The following PLCB1 variants were observed in gnomAD, a reference collection of about 807,000 sequenced individuals.
PLCB1 encodes the protein 1-phosphatidylinositol 4,5-bisphosphate phosphodiesterase beta-1.
Under a neutral mutation model 161.8 loss-of-function variants are expected in PLCB1, and 46 were observed. The observed-to-expected ratio is 0.28, with a 90% CI of 0.22 to 0.36. The LOEUF (loss-of-function observed/expected upper bound fraction) is 0.36. Ranked by LOEUF, PLCB1 falls within the 10% of genes least tolerant of loss-of-function variation. PLCB1 has a pLI of 1.00. For missense variants in PLCB1, 1,016 were observed against 1,472.5 expected, an observed-to-expected ratio of 0.69 and a Z score of 5.07; for synonymous variants, 517 against 503.7, an observed-to-expected ratio of 1.03 and a Z score of -0.35.
intron 3 of PLCB1, among the ~76,000 whole-genome samples, chr20:8,477,947 C>G (rs969925671): frequency 4.6e-5 from 7 of 152,186 alleles, no homozygotes; most frequent in Admixed American, 1.3e-4. Context: ...ATCTATCTCT[C>G]CTCTTTGTCA....
At chr20:8,727,513 G>A in intron 17 of PLCB1, 120 bp downstream of exon 17, 3 of 602,540 alleles carry the variant, frequency 5.0e-6, no homozygotes, top group Admixed American at 3.1e-5. Flanking sequence ...ATAGCCTGGG[G>A]CGGATAAATA....
At chr20:8,779,029 G>A (rs1983076438) in intron 27 of PLCB1, among the ~76,000 whole-genome samples, 1 of 152,154 alleles carries the variant, frequency 6.6e-6, no homozygotes, top group South Asian at 2.1e-4. Context: ...AAACCGAAGT[G>A]TAATTAAAAA....
chr20:8,629,972 TTC>T (rs1988520613), intron 4 of PLCB1, among the ~76,000 whole-genome samples: 1 of 20,470 alleles, frequency 4.9e-5, no homozygotes, highest in Admixed American at 5.7e-4. Flanking sequence ...TCTTCTTTCT[TTC>T]TTTCTTTCTT....
At chr20:8,500,683 CCAAACT>C (rs1983368619) in intron 3 of PLCB1, among the ~76,000 whole-genome samples, 1 of 152,234 alleles carries the variant, frequency 6.6e-6, no homozygotes, top group Admixed American at 6.5e-5. Flanking sequence ...GTAAGATTTA[CCAAACT>C]CTTTCTTCTT....
At chr20:8,529,563 G>A (rs538435518) in intron 3 of PLCB1, among the ~76,000 whole-genome samples, 2 of 151,950 alleles carry the variant, frequency 1.3e-5, no homozygotes, top group African/African-American at 4.8e-5. Flanking sequence ...CTCTTAAAAG[G>A]GTTTGAAGGA....
chr20:8,415,034 C>T (rs751595003), intron 3 of PLCB1, among the ~76,000 whole-genome samples: 1 of 152,192 alleles, frequency 6.6e-6, no homozygotes, highest in Non-Finnish European at 1.5e-5. Context: ...TTCAGAAACA[C>T]TGAGAATTCT....
rs530567846 is a variant in PLCB1, at chr20:8,790,210, C to T, written c.3372C>T (p.Leu1124=). 13 of 1,611,698 alleles carry T rather than the reference C, an allele frequency of 8.1e-6. No individual in the cohort carries two copies. The highest frequency in any genetic ancestry group is 1.6e-4 in the Middle Eastern group (1 of 6,080). Reference sequence around the variant, plus strand: ...CGCAAAGTAAACGGCAAGAAAAACTCGTAGAGAAACACAAGGAAATACGTC... The same window carrying T: ...CGCAAAGTAAACGGCAAGAAAAACTTGTAGAGAAACACAAGGAAATACGTC... ...EEAQSKRQEK[L]VEKHKEIRQQ... is the part of the protein sequence containing the mutation. Residue 1124 remains leucine, a synonymous_variant, in exon 31 of 32, where the codon CTC becomes CTT. Coordinates refer to ENST00000338037, the MANE Select transcript of PLCB1 (RefSeq NM_015192.4).
Position 8,426,787 on chromosome 20 carries a change from C to T in PLCB1, c.246+55337C>T, listed in dbSNP as rs1010550962. ...TTACTGTCTGTGTATCTCATAACAT[C>T]GTGTCATAAACCTCAAATATATACA... On this transcript the variant is annotated intron_variant, in intron 3 of 31. Transcript: ENST00000338037. 7.2e-5 allele frequency among the ~76,000 whole-genome samples: 11 copies of T among 152,130 alleles called. No homozygotes were observed. In the East Asian group the frequency reaches 9.6e-4, roughly 13 times the overall value.
In PLCB1 at chr20:8,477,047, C is replaced by T. The variant is rs188395584; in HGVS notation, c.246+105597C>T. On this transcript the variant is annotated intron_variant, in intron 3 of 31. Coordinates refer to ENST00000338037, the MANE Select transcript of PLCB1 (RefSeq NM_015192.4). ...CAGGCTGTACTTGAGGATTACTCAG[C>T]GGGTTCCAAAGAGTACAGACATTTA... 8.5e-5 allele frequency among the ~76,000 whole-genome samples: 13 copies of T among 152,228 alleles called. No individual in the cohort carries two copies. The East Asian group carries it at 1.9e-3, about 23-fold the overall frequency.
At chr20:8,512,458 G>A (rs1264519184) in intron 3 of PLCB1, among the ~76,000 whole-genome samples, 1 of 152,078 alleles carries the variant, frequency 6.6e-6, no homozygotes, top group Non-Finnish European at 1.5e-5. Flanking sequence ...CCTCCCAAAA[G>A]TTATTCAGAA....
chr20:8,745,550 C>T (rs914301361), intron 23 of PLCB1, among the ~76,000 whole-genome samples: 6 of 151,632 alleles, frequency 4.0e-5, no homozygotes, highest in African/African-American at 1.5e-4. Flanking sequence ...ATGATTTGAA[C>T]AATAGATATT....
At chr20:8,136,597 G>T (rs574542483) in intron 1 of PLCB1, among the ~76,000 whole-genome samples, 66 of 150,070 alleles carry the variant, frequency 4.4e-4, no homozygotes, top group Non-Finnish European at 4.9e-4. Flanking sequence ...CTGCACTCCA[G>T]CCTGGGCGAC....
At chr20:8,658,218 T>C (rs1269065207) in intron 8 of PLCB1, among the ~76,000 whole-genome samples, 2 of 152,166 alleles carry the variant, frequency 1.3e-5, no homozygotes, top group Non-Finnish European at 2.9e-5. Flanking sequence ...ACTGTCATAA[T>C]AAAAAAACCT....
At chr20:8,178,748 G>T (rs6055596) in intron 2 of PLCB1, among the ~76,000 whole-genome samples, 1 of 151,850 alleles carries the variant, frequency 6.6e-6, no homozygotes, top group South Asian at 2.1e-4. Flanking sequence ...GTTTTCTTCA[G>T]GGGTATTTAC....
At chr20:8,593,978 G>A (rs557681236) in intron 3 of PLCB1, among the ~76,000 whole-genome samples, 1 of 152,166 alleles carries the variant, frequency 6.6e-6, no homozygotes, top group East Asian at 1.9e-4. Flanking sequence ...TCAACCTCCT[G>A]GGCTCAAGTG....
At chr20:8,140,769 TAACAAC>T (rs1025301431) in intron 1 of PLCB1, among the ~76,000 whole-genome samples, 1 of 152,078 alleles carries the variant, frequency 6.6e-6, no homozygotes, top group Non-Finnish European at 1.5e-5. Context: ...GTCCTTTTAG[TAACAAC>T]AACAACAACA....
chr20:8,716,191 C>A (rs549822049), intron 12 of PLCB1, 73 bp from the exon 13 acceptor site: 5 of 1,116,614 alleles, frequency 4.5e-6, no homozygotes, highest in Non-Finnish European at 6.8e-6. Flanking sequence ...TAGTTAATAA[C>A]ACAAAGCAAT....
chr20:8,569,427 G>T (rs981164946), intron 3 of PLCB1, among the ~76,000 whole-genome samples: 31 of 152,122 alleles, frequency 2.0e-4, no homozygotes, highest in African/African-American at 7.2e-4. Context: ...ATAAAACTGT[G>T]ATAAAGCCTA....
At chr20:8,208,980 A>C (rs1978674619) in intron 2 of PLCB1, among the ~76,000 whole-genome samples, 1 of 152,170 alleles carries the variant, frequency 6.6e-6, no homozygotes, top group Admixed American at 6.5e-5. Context: ...AGTAAAGATT[A>C]TAATCAGATA....
Sources: gnomAD v4.1 joint callset for allele counts (sites outside exome capture counted in the v4.1 genomes callset) on GRCh38, gnomAD v4.1.1 for gene constraint, MANE v1.5 for transcripts, NCBI Gene and HGNC (gene_info 2026-07-23, HGNC 2026-07-21) for gene names.